The following NDUFAF6 variants were observed in gnomAD, a reference collection of about 807,000 sequenced individuals.
NDUFAF6 encodes the protein NADH:ubiquinone oxidoreductase complex assembly factor 6, also known as NADH dehydrogenase (ubiquinone) complex I, assembly factor 6.
A neutral mutation model predicts 40.8 loss-of-function variants in NDUFAF6; 45 were observed. The observed-to-expected ratio is 1.10, with a 90% confidence interval of 0.87 to 1.42. NDUFAF6 has a LOEUF of 1.42. Among genes scored for constraint, NDUFAF6 ranks in the 40% most tolerant of loss-of-function variants. The pLI is 0.00. For synonymous variants in NDUFAF6, 185 were observed against 155.9 expected, an observed-to-expected ratio of 1.19 and a Z score of -1.39; for missense variants, 435 against 418.5, an observed-to-expected ratio of 1.04 and a Z score of -0.34.
chr8:95,049,783 G>A (rs926672685), intron 7 of NDUFAF6, among the ~76,000 whole-genome samples: 2 of 151,986 alleles, frequency 1.3e-5, no homozygotes, highest in Non-Finnish European at 2.9e-5. Context: ...TCCTTACCTG[G>A]CTTAGTGCTT....
chr8:95,060,316 A>G (rs1481446255), downstream of NDUFAF6, among the ~76,000 whole-genome samples: 1 of 152,222 alleles, frequency 6.6e-6, no homozygotes, highest in African/African-American at 2.4e-5. Context: ...TAAAGGAGTC[A>G]GATACATTTT....
chr8:95,057,806 C>G lies in NDUFAF6; in HGVS notation c.874-3C>G. ...CTGGTGATCACTATTCTCTTTTTTC[C>G]AGGTTTCTCTAGAGGACTTTCTAAA... is the stretch of plus-strand genomic sequence containing the variant. On this transcript the variant is annotated splice_region_variant and splice_polypyrimidine_tract_variant and intron_variant, in intron 8 of 8. Transcript: ENST00000396124. The G allele has an allele frequency of 6.2e-7, 1 of 1,603,484 alleles. No homozygotes were observed. Among genetic ancestry groups the G allele is most frequent in the Non-Finnish European group, 8.5e-7 (1 of 1,174,274 alleles).
chr8:94,927,164 T>C (rs750631597), intron 1 of NDUFAF6: 16 of 152,770 alleles, frequency 1.0e-4, no homozygotes, highest in Non-Finnish European at 1.5e-4. Flanking sequence ...ATATCTGTCT[T>C]CTAGTTGGAG....
intron 1 of NDUFAF6, chr8:94,930,767 G>A: frequency 6.3e-7 from 1 of 1,596,826 alleles, no homozygotes; most frequent in Admixed American, 1.7e-5. Flanking sequence ...AAATAACAGA[G>A]TATGTTATTA....
chr8:95,082,076 C>CA (rs201300497), intron 2 of NDUFAF6, among the ~76,000 whole-genome samples: 45 of 148,970 alleles, frequency 3.0e-4, no homozygotes, highest in Non-Finnish European at 4.8e-4. Flanking sequence ...AAAAAAACAA[C>CA]AAAAAAAAAA....
chr8:95,020,025 C>G (rs575108222), upstream of NDUFAF6, among the ~76,000 whole-genome samples: 6 of 152,152 alleles, frequency 3.9e-5, no homozygotes, highest in African/African-American at 1.2e-4. Flanking sequence ...ATGGTGAAAC[C>G]CTGTCTCTAC....
intron 1 of NDUFAF6, among the ~76,000 whole-genome samples, chr8:94,899,058 G>GA (rs902332096): frequency 2.0e-5 from 3 of 151,352 alleles, no homozygotes; most frequent in South Asian, 2.1e-4. Flanking sequence ...ATACATAAAG[G>GA]AAAAAAAATC....
At chr8:95,002,319 C>T (rs76250269) in intron 2 of NDUFAF6, among the ~76,000 whole-genome samples, 2,263 of 152,308 alleles carry the variant, frequency 0.015, 68 homozygotes, top group African/African-American at 0.048. Flanking sequence ...CAAGTCACAA[C>T]ATTATTTGTT....
At chr8:94,910,042 T>C (rs1818673334) in intron 1 of NDUFAF6, among the ~76,000 whole-genome samples, 2 of 152,038 alleles carry the variant, frequency 1.3e-5, no homozygotes, top group East Asian at 1.9e-4. Flanking sequence ...CATTTTTTTT[T>C]CCTTCTCTCT....
At chr8:94,919,204 T>TA in intron 1 of NDUFAF6, among the ~76,000 whole-genome samples, 1 of 152,088 alleles carries the variant, frequency 6.6e-6, no homozygotes, top group Non-Finnish European at 1.5e-5. Context: ...CTTTTTTAGA[T>TA]AGAGTCTTGC....
chr8:94,998,990 G>A (rs1413335190), intron 2 of NDUFAF6, among the ~76,000 whole-genome samples: 1 of 152,002 alleles, frequency 6.6e-6, no homozygotes, highest in Non-Finnish European at 1.5e-5. Flanking sequence ...CCACAATCCA[G>A]TTAAGAAATG....
chr8:94,952,701 G>C (rs1484274774), intron 2 of NDUFAF6, among the ~76,000 whole-genome samples: 3 of 152,234 alleles, frequency 2.0e-5, no homozygotes, highest in African/African-American at 7.2e-5. Context: ...AAGGAGTCAA[G>C]AATTATTCCA....
chr8:95,060,710 A>G (rs1372911286), downstream of NDUFAF6, among the ~76,000 whole-genome samples: 1 of 152,258 alleles, frequency 6.6e-6, no homozygotes, highest in East Asian at 1.9e-4. Flanking sequence ...CATTAGTTCA[A>G]TGCCAAAGCC....
At chr8:95,009,262 C>T (rs1327376425) in intron 2 of NDUFAF6, among the ~76,000 whole-genome samples, 2 of 151,992 alleles carry the variant, frequency 1.3e-5, no homozygotes, top group African/African-American at 4.8e-5. Context: ...GAACTCCACA[C>T]TTGTGAACAC....
intron 1 of NDUFAF6, among the ~76,000 whole-genome samples, chr8:94,962,992 A>G (rs183877884): frequency 4.8e-4 from 72 of 151,096 alleles, no homozygotes; most frequent in African/African-American, 1.7e-3. Context: ...GGTTTCACCA[A>G]GTTGGCCAGG....
rs1832437258 is a variant in NDUFAF6 at position 95,058,299 on chromosome 8, A to G, written c.*362A>G. On this transcript the variant is annotated 3_prime_UTR_variant, in exon 9 of 9. Coordinates refer to ENST00000396124, the MANE Select transcript of NDUFAF6 (RefSeq NM_152416.4). ...TCACCACTGGGGAAGGAAAGGGGAA[A>G]GGGCTCAAGTTATCATAGGGGCTTA... 1.6e-6 allele frequency: 2 copies of G among 1,284,838 alleles called. No homozygotes were observed. The highest frequency in any genetic ancestry group is 2.0e-6 in the Non-Finnish European group (2 of 1,019,936). 79.6% of individuals were successfully genotyped at this position (1,284,838 alleles called of 1,614,324 possible). A position where few individuals can be genotyped will look rare whatever the true frequency, so the allele number is the denominator to read the frequency against.
intron 1 of NDUFAF6, among the ~76,000 whole-genome samples, chr8:94,909,018 A>G (rs1286843424): frequency 1.5e-4 from 23 of 152,224 alleles, no homozygotes; most frequent in African/African-American, 4.8e-4. Context: ...GAAAGTTTAT[A>G]TATGTATCCA....
In NDUFAF6 at chr8:94,946,696, CAAA is replaced by C. The variant is rs71273438; in HGVS notation, c.-799+1099_-799+1101del. Among the ~76,000 whole-genome samples the C allele has an allele frequency of 1.7e-3, 58 of 34,698 alleles. 2 individuals are homozygous for C. Among genetic ancestry groups the C allele is most frequent in the South Asian group, 4.6e-3 (2 of 434 alleles). The allele number at this position is 34,698 out of a possible 152,430, so 22.8% of individuals were successfully genotyped here. ...TGGTCAACAGAGTAAGACCCTGTCT[CAAA>C]AAAAAAAAAAAAAAAAAAAAAGACA... is the stretch of plus-strand genomic sequence containing the variant. On this transcript the variant is annotated intron_variant, in intron 2 of 14. Transcript: ENST00000396113.
At chr8:94,948,343 GA>G (rs1171391301) in intron 2 of NDUFAF6, among the ~76,000 whole-genome samples, 2 of 152,186 alleles carry the variant, frequency 1.3e-5, no homozygotes, top group Admixed American at 6.5e-5. Context: ...AGGTTATTAT[GA>G]GAATCAACTG....
Sources: gnomAD v4.1 joint callset for allele counts (sites outside exome capture counted in the v4.1 genomes callset) on GRCh38, gnomAD v4.1.1 for gene constraint, MANE v1.5 for transcripts, NCBI Gene and HGNC (gene_info 2026-07-23, HGNC 2026-07-21) for gene names.